ADORA2B: variants seen among roughly 807,000 people sequenced by gnomAD.
ADORA2B encodes the protein adenosine receptor A2b.
ADORA2B carries 18 observed loss-of-function variants against 20.8 expected under a neutral mutation model. That is an observed-to-expected ratio of 0.87 (90% CI 0.60 to 1.29). The LOEUF is 1.29. Ranked by LOEUF, ADORA2B falls within the 50% of genes most tolerant of loss-of-function variation. The probability of loss-of-function intolerance (pLI) is 0.00; values close to 1 mark genes in which losing one functional copy is unlikely to be tolerated. For synonymous variants in ADORA2B, 179 were observed against 178.3 expected, an observed-to-expected ratio of 1.00 and a Z score of -0.03; for missense variants, 441 against 422.7, an observed-to-expected ratio of 1.04 and a Z score of -0.38.
chr17:15,965,360 G>C (rs142229815), intron 1 of ADORA2B, among the ~76,000 whole-genome samples: 46 of 152,222 alleles, frequency 3.0e-4, no homozygotes, highest in Middle Eastern at 3.4e-3. Context: ...AGGTGTTTTG[G>C]ATACAGCTGT....
upstream of ADORA2B, among the ~76,000 whole-genome samples, chr17:15,940,962 A>G (rs1224535669): frequency 6.6e-6 from 1 of 152,240 alleles, no homozygotes; most frequent in African/African-American, 2.4e-5. Flanking sequence ...GCAGAGCAGA[A>G]AGAGAGAACC....
the ADORA2B span, among the ~76,000 whole-genome samples, chr17:15,906,470 T>C: frequency 6.6e-6 from 1 of 152,240 alleles, no homozygotes; most frequent in South Asian, 2.1e-4. Context: ...TTGATCATGA[T>C]ATATTATACT....
intron 1 of ADORA2B, among the ~76,000 whole-genome samples, chr17:15,972,906 T>C (rs372316087): frequency 3.9e-5 from 6 of 152,260 alleles, no homozygotes; most frequent in East Asian, 1.9e-4. Context: ...ACCACAGATA[T>C]ACACCACCGT....
the ADORA2B span, among the ~76,000 whole-genome samples, chr17:15,930,709 T>G: frequency 6.6e-6 from 1 of 152,334 alleles, no homozygotes; most frequent in African/African-American, 2.4e-5. Flanking sequence ...GCACTTAGCT[T>G]AGCCCAGGCT....
chr17:15,858,041 T>G, the ADORA2B span, among the ~76,000 whole-genome samples: 6 of 143,420 alleles, frequency 4.2e-5, no homozygotes, highest in Non-Finnish European at 7.9e-5. Context: ...CCACCTCAGC[T>G]TTTGTGAATA....
chr17:15,971,831 C>T (rs549512201), intron 1 of ADORA2B, among the ~76,000 whole-genome samples: 2 of 152,112 alleles, frequency 1.3e-5, no homozygotes, highest in African/African-American at 4.8e-5. Context: ...CGGGGTTTCA[C>T]CGTGTTGGCC....
At chr17:15,917,140 C>G in the ADORA2B span, among the ~76,000 whole-genome samples, 1 of 152,218 alleles carries the variant, frequency 6.6e-6, no homozygotes, top group East Asian at 1.9e-4. Flanking sequence ...GAGACTGCAT[C>G]TCCACAAAAA....
the ADORA2B span, among the ~76,000 whole-genome samples, chr17:15,862,912 A>C: frequency 6.6e-6 from 1 of 151,678 alleles, no homozygotes; most frequent in Admixed American, 6.6e-5. Context: ...GCTTTTTAAT[A>C]CATATTATCA....
the ADORA2B span, among the ~76,000 whole-genome samples, chr17:15,898,386 C>T: frequency 1.3e-5 from 2 of 151,496 alleles, no homozygotes; most frequent in Non-Finnish European, 2.9e-5. Flanking sequence ...CTCTGCTTTC[C>T]GGTTTCAAGC....
At chr17:15,894,327 G>A in the ADORA2B span, among the ~76,000 whole-genome samples, 7 of 152,336 alleles carry the variant, frequency 4.6e-5, no homozygotes, top group South Asian at 1.4e-3. Context: ...TGCTGTGAGA[G>A]TCAGTGACAG....
chr17:15,924,606 G>A, the ADORA2B span, among the ~76,000 whole-genome samples: 1 of 152,024 alleles, frequency 6.6e-6, no homozygotes, highest in Admixed American at 6.5e-5. Flanking sequence ...CTGGTGTGGT[G>A]GTGGATGCCT....
the ADORA2B span, among the ~76,000 whole-genome samples, chr17:15,893,103 C>T: frequency 6.6e-6 from 1 of 152,168 alleles, no homozygotes; most frequent in Admixed American, 6.5e-5. Context: ...AATTCAATAT[C>T]TTCATTTTTC....
chr17:15,862,112 T>C, the ADORA2B span, among the ~76,000 whole-genome samples: 1 of 152,064 alleles, frequency 6.6e-6, no homozygotes, highest in African/African-American at 2.4e-5. Context: ...CTGTTCTCTT[T>C]ATTTAAAGGT....
intron 1 of ADORA2B, among the ~76,000 whole-genome samples, chr17:15,948,915 T>TG (rs1161831986): frequency 1.4e-4 from 22 of 152,042 alleles, no homozygotes; most frequent in Non-Finnish European, 2.6e-4. Flanking sequence ...CTTAAAAAAA[T>TG]TGAGCTATAG....
intron 1 of ADORA2B, among the ~76,000 whole-genome samples, chr17:15,956,520 A>G (rs1346873259): frequency 2.0e-5 from 3 of 150,340 alleles, no homozygotes; most frequent in Non-Finnish European, 3.0e-5. Context: ...TTCTGTTTTT[A>G]GAAACTCATA....
upstream of ADORA2B, among the ~76,000 whole-genome samples, chr17:15,943,519 G>A (rs1038207128): frequency 6.6e-6 from 1 of 152,214 alleles, no homozygotes; most frequent in African/African-American, 2.4e-5. Context: ...TTTGTTTAGA[G>A]ATGGGGTCTC....
the ADORA2B span, among the ~76,000 whole-genome samples, chr17:15,861,596 G>T: frequency 6.6e-6 from 1 of 152,206 alleles, no homozygotes; most frequent in Non-Finnish European, 1.5e-5. Context: ...ACAGTGGCAT[G>T]TAAGGATTAG....
chr17:15,851,295 A>C, the ADORA2B span, among the ~76,000 whole-genome samples: 2 of 150,074 alleles, frequency 1.3e-5, no homozygotes, highest in Non-Finnish European at 3.0e-5. Flanking sequence ...CTGAGCTTCC[A>C]GGAAGGGTTC....
chr17:15,855,555 A>G, the ADORA2B span, among the ~76,000 whole-genome samples: 2 of 151,154 alleles, frequency 1.3e-5, no homozygotes, highest in African/African-American at 4.9e-5. Context: ...GAATAATATC[A>G]CTCTCACCTG....
Sources: allele counts gnomAD v4.1 joint callset (sites outside exome capture counted in the v4.1 genomes callset), GRCh38; gene constraint gnomAD v4.1.1; transcripts MANE v1.5; gene names NCBI Gene and HGNC (gene_info 2026-07-23, HGNC 2026-07-21).